The following FGD3 variants were observed in gnomAD, a reference collection of about 807,000 sequenced individuals.
FGD3 encodes FYVE, RhoGEF and PH domain containing 3.
Under a neutral mutation model 71.8 loss-of-function variants are expected in FGD3, and 45 were observed. That is an observed-to-expected ratio of 0.63 (90% CI 0.49 to 0.80). FGD3 has a LOEUF of 0.80. FGD3 is among the 30% of genes least tolerant of loss of function. FGD3 has a pLI of 0.00. For missense variants in FGD3, 844 were observed against 951.5 expected, an observed-to-expected ratio of 0.89 and a Z score of 1.49; for synonymous variants, 378 against 392.8, an observed-to-expected ratio of 0.96 and a Z score of 0.44.
intron 17 of FGD3, 24 bp downstream of exon 17, chr9:93,034,705 CCCTCAGGCCAGCAGCCCAGAG>C: frequency 7.5e-6 from 12 of 1,606,480 alleles, no homozygotes; most frequent in Non-Finnish European, 9.3e-6. Context: ...CCCCACCAGG[CCCTCAGGCCAGCAGCCCAGAG>C]CCTCAGGCCT....
intron 5 of FGD3, 45 bp downstream of exon 5, chr9:93,004,182 C>CT (rs1361251113): frequency 6.2e-7 from 1 of 1,607,282 alleles, no homozygotes; most frequent in African/African-American, 1.3e-5. Flanking sequence ...CAAGTGTTCT[C>CT]TAGACCAGGG....
chr9:92,948,154 C>T (rs1858890031), intron 1 of FGD3, among the ~76,000 whole-genome samples: 1 of 152,166 alleles, frequency 6.6e-6, no homozygotes. Flanking sequence ...AAATAGTCTG[C>T]TTGAAAAAAA....
intron 3 of FGD3, among the ~76,000 whole-genome samples, chr9:92,977,240 A>T (rs1859796792): frequency 6.6e-6 from 1 of 151,992 alleles, no homozygotes; most frequent in South Asian, 2.1e-4. Flanking sequence ...CAGTGTGGAG[A>T]CCAGAGCAGA....
chr9:93,027,781 G>A (rs12682842), intron 14 of FGD3, among the ~76,000 whole-genome samples: 5,680 of 130,890 alleles, frequency 0.043, 153 homozygotes, highest in East Asian at 0.14. Context: ...GTGCAATGGT[G>A]TGATCACAAC....
chr9:92,964,544 T>C (rs1292390696), intron 1 of FGD3, among the ~76,000 whole-genome samples: 1 of 152,190 alleles, frequency 6.6e-6, no homozygotes, highest in Non-Finnish European at 1.5e-5. Context: ...TGGGTTCCTG[T>C]AGCATGATGT....
rs369454733 is a variant in FGD3, at chr9:92,977,387, TG to T, written c.453+681del. 1.9e-3 allele frequency among the ~76,000 whole-genome samples: 290 copies of T among 151,916 alleles called. 3 individuals carry two copies. The highest frequency in any genetic ancestry group is 4.2e-3 in the Admixed American group (64 of 15,260). ...GATGGCCTCAGCCTCAGAGAAACTGTGGGTATGGGGGGCACAGCTTGGGTAA... is the reference window on the plus strand; with the variant it reads ...GATGGCCTCAGCCTCAGAGAAACTGTGGTATGGGGGGCACAGCTTGGGTAA... On this transcript the variant is annotated intron_variant, in intron 3 of 17. Transcript: ENST00000375482.
At chr9:92,954,490 C>T (rs1223100697) in intron 1 of FGD3, among the ~76,000 whole-genome samples, 3 of 152,126 alleles carry the variant, frequency 2.0e-5, no homozygotes, top group East Asian at 3.8e-4. Flanking sequence ...GTCCTGTGCC[C>T]GTGTGGCCCA....
chr9:92,975,968 G>A (rs373868256), intron 2 of FGD3, among the ~76,000 whole-genome samples: 3 of 152,204 alleles, frequency 2.0e-5, no homozygotes, highest in South Asian at 4.1e-4. Flanking sequence ...TTTTTTATGC[G>A]GAACAAACAA....
rs116918218 is a variant in FGD3, at chr9:93,027,867, G to C, written c.1558-2007G>C. 3.2e-3 allele frequency among the ~76,000 whole-genome samples: 488 copies of C among 151,748 alleles called. 16 individuals are homozygous for C. In the East Asian group the frequency reaches 0.074, roughly 23 times the overall value. ...CCCAAATATCTGGGACTACAGGCAC[G>C]TGCCACCACATCAGCTAATTTTTTG... On this transcript the variant is annotated intron_variant, in intron 14 of 17. Coordinates refer to ENST00000375482, the MANE Select transcript of FGD3 (RefSeq NM_001083536.2).
intron 1 of FGD3, among the ~76,000 whole-genome samples, chr9:92,960,262 C>T (rs754211157): frequency 2.0e-5 from 3 of 151,786 alleles, no homozygotes; most frequent in Non-Finnish European, 4.4e-5. Context: ...ATGTCCTCTA[C>T]GTCCTGTTGT....
chr9:92,971,958 C>T (rs1859553602), intron 1 of FGD3, among the ~76,000 whole-genome samples: 1 of 146,476 alleles, frequency 6.8e-6, no homozygotes, highest in Non-Finnish European at 1.5e-5. Context: ...CCATCCACCC[C>T]CCTCCCCCAC....
chr9:93,005,940 C>G (rs772839406), intron 5 of FGD3, 84 bp from the exon 6 acceptor site: 1 of 1,451,882 alleles, frequency 6.9e-7, no homozygotes, highest in Non-Finnish European at 9.2e-7. Context: ...CCACCCCACA[C>G]CCCCCTGGTG....
At chr9:93,033,337 CT>C (rs778644008) in intron 16 of FGD3, 9,731 of 223,648 alleles carry the variant, frequency 0.044, 557 homozygotes, top group African/African-American at 0.11. Flanking sequence ...TCTCCTCCTC[CT>C]CCCCGTCCCC....
intron 1 of FGD3, among the ~76,000 whole-genome samples, chr9:92,949,396 C>T (rs951103327): frequency 1.8e-4 from 28 of 152,166 alleles, no homozygotes; most frequent in Non-Finnish European, 3.5e-4. Flanking sequence ...GTCTGACAAG[C>T]GCCTGCCAGT....
At chr9:93,026,502 C>T (rs962810732) in intron 14 of FGD3, among the ~76,000 whole-genome samples, 5 of 152,190 alleles carry the variant, frequency 3.3e-5, no homozygotes, top group Admixed American at 1.3e-4. Flanking sequence ...TTGGCCTCGA[C>T]GGGCTGCGGA....
At chr9:93,009,282 G>A (rs541169235) in intron 6 of FGD3, among the ~76,000 whole-genome samples, 1 of 151,782 alleles carries the variant, frequency 6.6e-6, no homozygotes, top group Non-Finnish European at 1.5e-5. Flanking sequence ...AAAGTTTCTT[G>A]TAGGGAGATA....
At chr9:92,966,584 G>A (rs1859335630) in intron 1 of FGD3, among the ~76,000 whole-genome samples, 1 of 152,256 alleles carries the variant, frequency 6.6e-6, no homozygotes, top group Non-Finnish European at 1.5e-5. Context: ...GGCTGCACCT[G>A]TGGGCCCTGC....
In FGD3 at chr9:93,010,255, G is replaced by A. The variant is rs758573790; in HGVS notation, c.847G>A (p.Val283Ile). 1.9e-6 allele frequency: 3 copies of A among 1,609,718 alleles called. No homozygotes were observed. In the East Asian group the frequency reaches 6.7e-5, roughly 36 times the overall value. Residue 283 changes from valine (V) to isoleucine (I), a missense_variant, in exon 7 of 18, where the codon GTA becomes ATA. Transcript: ENST00000375482. ...DVVHSIQKQE[V>I]CGNLTLQHHM... is the part of the protein sequence containing the mutation. ...CCCTCTGTCCCCACAGAAGCAGGAG[G>A]TATGCGGGAACCTGACGCTGCAGCA...
chr9:93,009,504 A>G (rs1210139778), intron 6 of FGD3, among the ~76,000 whole-genome samples: 3 of 152,198 alleles, frequency 2.0e-5, no homozygotes, highest in Non-Finnish European at 4.4e-5. Context: ...CGACAAAGTC[A>G]GCAGGCCCTC....
Sources: gnomAD v4.1 joint callset for allele counts (sites outside exome capture counted in the v4.1 genomes callset) on GRCh38, gnomAD v4.1.1 for gene constraint, MANE v1.5 for transcripts, NCBI Gene and HGNC (gene_info 2026-07-23, HGNC 2026-07-21) for gene names.